The following IQUB variants were observed in gnomAD, a reference collection of about 807,000 sequenced individuals.
IQUB encodes IQ motif and ubiquitin-like domain-containing protein.
A neutral mutation model predicts 86.4 loss-of-function variants in IQUB; 86 were observed. The ratio of observed to expected loss-of-function variants is 1.00; its 90% CI spans 0.84 to 1.19. The LOEUF is 1.19. Ranked by LOEUF, IQUB falls within the 50% of genes most tolerant of loss-of-function variation. The pLI is 0.00. For missense variants in IQUB, 946 were observed against 916.9 expected (o/e 1.03, Z -0.41); for synonymous variants, 289 against 304.5 (o/e 0.95, Z 0.53).
At chr7:123,518,858 T>G (rs1168506381) in intron 1 of IQUB, among the ~76,000 whole-genome samples, 1 of 152,122 alleles carries the variant, frequency 6.6e-6, no homozygotes, top group African/African-American at 2.4e-5. Context: ...CCTCCCAAAG[T>G]GCTGGGATTA....
At chr7:123,472,883 C>T (rs978185645) in intron 8 of IQUB, among the ~76,000 whole-genome samples, 9 of 152,054 alleles carry the variant, frequency 5.9e-5, no homozygotes, top group South Asian at 2.1e-4. Flanking sequence ...AACAGATATA[C>T]AACAATCATG....
At chr7:123,529,932 C>T (rs1479572137) in intron 1 of IQUB, among the ~76,000 whole-genome samples, 8 of 152,048 alleles carry the variant, frequency 5.3e-5, no homozygotes, top group African/African-American at 1.9e-4. Context: ...ACTCGGGAGG[C>T]TGAGGCAGGA....
chr7:123,534,516 C>A lies in IQUB; in HGVS notation c.-29G>T, dbSNP rs915764261. The A allele has an allele frequency of 1.3e-5, 2 of 153,660 alleles. No individual in the cohort carries two copies. Among genetic ancestry groups the A allele is most frequent in the African/African-American group, 4.8e-5 (2 of 41,440 alleles). The allele number at this position is 153,660 out of a possible 1,614,324, so 9.5% of individuals were successfully genotyped here. A position where few individuals can be genotyped will look rare whatever the true frequency, so the allele number is the denominator to read the frequency against. ...CCTGTGTACGAAACCAAACTATTCTCGTCGAAGTGCTTTCCCAGGCTCCTA... is the reference window on the plus strand; with the variant it reads ...CCTGTGTACGAAACCAAACTATTCTAGTCGAAGTGCTTTCCCAGGCTCCTA... On this transcript the variant is annotated 5_prime_UTR_variant, in exon 1 of 13. Transcript: ENST00000324698.
intron 12 of IQUB, among the ~76,000 whole-genome samples, chr7:123,453,403 C>A (rs2116921470): frequency 6.8e-6 from 1 of 147,506 alleles, no homozygotes; most frequent in East Asian, 2.0e-4. Context: ...AAATATCTTC[C>A]AAGATTATTT....
chr7:123,518,143 AT>A (rs58814111), intron 1 of IQUB, among the ~76,000 whole-genome samples: 2,666 of 150,170 alleles, frequency 0.018, 60 homozygotes, highest in African/African-American at 0.059. Flanking sequence ...TCATCCTTTT[AT>A]TTTTTTTTTC....
chr7:123,507,161 A>G (rs1796216407), intron 3 of IQUB, among the ~76,000 whole-genome samples: 1 of 152,224 alleles, frequency 6.6e-6, no homozygotes, highest in African/African-American at 2.4e-5. Flanking sequence ...CCAGCTTACA[A>G]TGATAATGGC....
chr7:123,503,622 T>C (rs1312113015), intron 3 of IQUB, among the ~76,000 whole-genome samples: 3 of 151,944 alleles, frequency 2.0e-5, no homozygotes, highest in Non-Finnish European at 4.4e-5. Context: ...TTATTAACTA[T>C]AGTCACCATT....
chr7:123,503,332 T>C lies in IQUB; in HGVS notation c.564A>G (p.Val188=). 2 of 1,542,556 alleles carry C rather than the reference T, an allele frequency of 1.3e-6. No homozygotes were observed. Among genetic ancestry groups the C allele is most frequent in the Non-Finnish European group, 1.7e-6 (2 of 1,145,284 alleles). ...TTTCCTGTGGCTTAACTCCATGTTG[T>C]ACTAGAGTCTCATTATTTTTAAGAA... The part of the protein sequence containing the change: ...GKILKNNETL[V]QHGVKPQEIV... The change falls in exon 4 of 13, where the codon GTA becomes GTG. Residue 188 remains valine, a synonymous_variant. Transcript: ENST00000324698.
chr7:123,525,153 T>C (rs1277756564), intron 1 of IQUB, among the ~76,000 whole-genome samples: 2 of 152,216 alleles, frequency 1.3e-5, no homozygotes, highest in Admixed American at 1.3e-4. Flanking sequence ...GATATTGGTC[T>C]AAAATTCTCT....
At chr7:123,457,861 A>G (rs1241998991) in intron 11 of IQUB, 1 of 260,888 alleles carries the variant, frequency 3.8e-6, no homozygotes, top group Non-Finnish European at 7.2e-6. Flanking sequence ...TTACCATAAT[A>G]AACATATGGT....
chr7:123,526,756 T>G (rs1478863828), intron 1 of IQUB, among the ~76,000 whole-genome samples: 1 of 151,910 alleles, frequency 6.6e-6, no homozygotes, highest in African/African-American at 2.4e-5. Flanking sequence ...GTTAGCTGGT[T>G]ATTTTGCTCA....
chr7:123,532,615 C>T (rs1444455494), intron 1 of IQUB: 2 of 151,808 alleles, frequency 1.3e-5, no homozygotes, highest in East Asian at 1.9e-4. Flanking sequence ...GATGATTTTC[C>T]CCTTCTAAAC....
At chr7:123,481,550 G>T (rs1198520191) in intron 7 of IQUB, among the ~76,000 whole-genome samples, 1 of 152,030 alleles carries the variant, frequency 6.6e-6, no homozygotes, top group Non-Finnish European at 1.5e-5. Context: ...ATTTCTAAAA[G>T]ATATAGTGCA....
chr7:123,463,498 A>T (rs1794097860), intron 10 of IQUB, among the ~76,000 whole-genome samples: 1 of 151,912 alleles, frequency 6.6e-6, no homozygotes, highest in South Asian at 2.1e-4. Context: ...GGGTGAATCC[A>T]TGCAATATGC....
At chr7:123,501,307 C>A (rs1795933045) in intron 6 of IQUB, 1 of 152,308 alleles carries the variant, frequency 6.6e-6, no homozygotes. Flanking sequence ...CATAGAGTCA[C>A]CACCCATGCC....
intron 7 of IQUB, among the ~76,000 whole-genome samples, chr7:123,489,459 T>G (rs1795362796): frequency 6.6e-6 from 1 of 152,076 alleles, no homozygotes; most frequent in Non-Finnish European, 1.5e-5. Context: ...TCAGCAGGAA[T>G]GTAGACTTCT....
intron 9 of IQUB, among the ~76,000 whole-genome samples, chr7:123,468,527 G>T (rs1794364849): frequency 7.9e-6 from 1 of 126,440 alleles, no homozygotes; most frequent in Non-Finnish European, 1.7e-5. Context: ...GCCCTTCTGG[G>T]GCAGCCCATC....
At chr7:123,514,654 T>C (rs1322899701) in intron 1 of IQUB, among the ~76,000 whole-genome samples, 1 of 152,200 alleles carries the variant, frequency 6.6e-6, no homozygotes, top group Admixed American at 6.5e-5. Flanking sequence ...CATTAATATA[T>C]TGTGTAGTGG....
In IQUB at chr7:123,512,304, T is replaced by C. The variant is rs753233807; in HGVS notation, c.37A>G (p.Ile13Val). 6.9e-6 allele frequency: 11 copies of C among 1,591,738 alleles called. No homozygotes were observed. The highest frequency in any genetic ancestry group is 2.3e-5 in the East Asian group (1 of 44,298). ...TCACTCTCTTCTGTTGAATTGACTA[T>C]ATTCTGAGCTTCATACTTCTCCTGT... ...NQQEKYEAQN[I>V]VNSTEESDDA... Residue 13 changes from isoleucine (I) to valine (V), a missense_variant, in exon 2 of 13, where the codon ATA becomes GTA. Transcript: ENST00000324698.
Sources: gnomAD v4.1 joint callset for allele counts (sites outside exome capture counted in the v4.1 genomes callset) on GRCh38, gnomAD v4.1.1 for gene constraint, MANE v1.5 for transcripts, NCBI Gene and HGNC (gene_info 2026-07-23, HGNC 2026-07-21) for gene names.